The following PLK5 variants were observed in gnomAD, a reference collection of about 807,000 sequenced individuals.
PLK5 encodes inactive serine/threonine-protein kinase PLK5.
In PLK5, 28 loss-of-function variants were observed where a neutral mutation model predicts 33.7. The ratio of observed to expected loss-of-function variants is 0.83; its 90% CI spans 0.62 to 1.14. The LOEUF is 1.14. Among genes scored for constraint, PLK5 ranks in the 50% most tolerant of loss-of-function variants. The pLI is 0.00. For missense variants in PLK5, 492 were observed against 461.5 expected, an observed-to-expected ratio of 1.07 and a Z score of -0.61; for synonymous variants, 225 against 202.2, an observed-to-expected ratio of 1.11 and a Z score of -0.96.
intron 12 of PLK5, 123 bp downstream of exon 12, chr19:1,532,006 G>A: frequency 8.7e-7 from 1 of 1,145,968 alleles, no homozygotes; most frequent in African/African-American, 1.6e-5. Context: ...CCTGGTCGGG[G>A]AGAACAACAC....
chr19:1,528,220 G>A (rs1751410770), intron 7 of PLK5, 82 bp from the exon 8 acceptor site: 3 of 1,533,852 alleles, frequency 2.0e-6, no homozygotes, highest in South Asian at 1.2e-5. Context: ...AGCCGAGGGA[G>A]GCCCCGCCCT....
chr19:1,531,119 C>T (rs566063620), intron 11 of PLK5, among the ~76,000 whole-genome samples: 1 of 150,370 alleles, frequency 6.7e-6, no homozygotes, highest in African/African-American at 2.5e-5. Flanking sequence ...AAGCAAAAAC[C>T]CAGAAACGGG....
intron 13 of PLK5, 117 bp downstream of exon 13, chr19:1,534,158 A>AG: frequency 4.3e-6 from 2 of 465,576 alleles, no homozygotes; most frequent in Non-Finnish European, 3.5e-6. Context: ...CTCCCAGGAA[A>AG]AAAAAAAAAA....
intron 13 of PLK5, 105 bp from the exon 14 acceptor site, chr19:1,534,960 C>G: frequency 9.0e-7 from 1 of 1,112,342 alleles, no homozygotes; most frequent in Non-Finnish European, 1.2e-6. Context: ...AGGGGCCAGA[C>G]TGGGGGCTCT....
chr19:1,535,124 G>A lies in PLK5; in HGVS notation c.885G>A (p.Gln295=). ...LVLSGEGEGL[Q]LTLWEQGSPG... ...TGAGTGGCGAGGGTGAGGGTTTGCA[G>A]CTCACCCTCTGGGAGCAGGGGTCCC... Residue 295 remains glutamine (Q), a synonymous_variant, in exon 14 of 14, where the codon CAG becomes CAA. Coordinates refer to ENST00000454744, the MANE Select transcript of PLK5 (RefSeq NM_001243079.2). The A allele has an allele frequency of 6.5e-7, 1 of 1,535,726 alleles. No individual in the cohort carries two copies.
At position 1,533,955 on chromosome 19, in the gene PLK5, C is replaced by A. The variant is rs1215126192; in HGVS notation, c.739C>A (p.Pro247Thr). Residue 247 changes from proline (P) to threonine (T), a missense_variant, in exon 13 of 14, where the codon CCA (proline) becomes ACA (threonine). Transcript: ENST00000454744. ...GGAGGGGACCCTCCCCACACCTGTG[C>A]CACCTGCTGGACCCGGCCTCTGCCT... ...RREGTLPTPV[P>T]PAGPGLCLLR... 6.5e-7 allele frequency: 1 copy of A among 1,534,604 alleles called. No homozygotes were observed. The highest frequency in any genetic ancestry group is 2.4e-5 in the East Asian group (1 of 40,892).
Position 1,533,250 on chromosome 19 carries a change from G to A in PLK5, c.715-681G>A, listed in dbSNP as rs58893656. Among the ~76,000 whole-genome samples the A allele has an allele frequency of 4.4e-3, 664 of 151,760 alleles. 4 individuals carry two copies. Among genetic ancestry groups the A allele is most frequent in the African/African-American group, 0.015 (632 of 41,412 alleles). On this transcript the variant is annotated intron_variant, in intron 12 of 13. Transcript: ENST00000454744. ...TGGGATTACAGGCACCCGCCACCACGCCTGGCTAATTTTGAATTTTAGTAG... is the reference window on the plus strand; with the variant it reads ...TGGGATTACAGGCACCCGCCACCACACCTGGCTAATTTTGAATTTTAGTAG...
At chr19:1,532,804 G>A (rs1402821597) in intron 12 of PLK5, among the ~76,000 whole-genome samples, 1 of 151,994 alleles carries the variant, frequency 6.6e-6, no homozygotes, top group Non-Finnish European at 1.5e-5. Flanking sequence ...TTATAGGCAT[G>A]AGCCACCGCG....
chr19:1,530,485 G>A (rs939018048), intron 11 of PLK5, among the ~76,000 whole-genome samples: 18 of 151,756 alleles, frequency 1.2e-4, no homozygotes, highest in African/African-American at 3.6e-4. Flanking sequence ...TTTTAGTAGA[G>A]ACAGGGTTTC....
intron 8 of PLK5, 23 bp downstream of exon 8, chr19:1,528,451 C>T (rs754342425): frequency 3.3e-6 from 5 of 1,521,660 alleles, no homozygotes; most frequent in African/African-American, 2.8e-5. Context: ...CCCGCCCACA[C>T]CTGCCCAACA....
At chr19:1,533,419 A>G (rs1006425056) in intron 12 of PLK5, among the ~76,000 whole-genome samples, 1 of 152,076 alleles carries the variant, frequency 6.6e-6, no homozygotes, top group Non-Finnish European at 1.5e-5. Flanking sequence ...CGGGAGTGAC[A>G]TGGGGGCCAG....
At chr19:1,529,253 G>A (rs371991160) in intron 9 of PLK5, among the ~76,000 whole-genome samples, 153 bp from the exon 10 acceptor site, 5 of 152,144 alleles carry the variant, frequency 3.3e-5, no homozygotes, top group South Asian at 2.1e-4. Context: ...GTATGCCTCC[G>A]AGACACTCCG....
rs753708965 is a variant in PLK5 at position 1,529,315 on chromosome 19, C to T, written c.406-91C>T. 48 of 1,163,678 alleles carry T rather than the reference C, an allele frequency of 4.1e-5. No individual in the cohort carries two copies. The South Asian group carries it at 4.5e-4, about 11-fold the overall frequency. 72.1% of individuals were successfully genotyped at this position (1,163,678 alleles called of 1,614,324 possible). ...GCCTCTGTGTGCAGAGCACGGAGGGCACAGGCAGGGGCCAGAGCCTGCCAC... is the reference window on the plus strand; with the variant it reads ...GCCTCTGTGTGCAGAGCACGGAGGGTACAGGCAGGGGCCAGAGCCTGCCAC... On this transcript the variant is annotated intron_variant, in intron 9 of 13. Coordinates refer to ENST00000454744, the MANE Select transcript of PLK5 (RefSeq NM_001243079.2).
At position 1,534,047 on chromosome 19, in the gene PLK5, C is replaced by T. The variant is rs1205004660; in HGVS notation, c.825+6C>T. On this transcript the variant is annotated splice_donor_region_variant and intron_variant, in intron 13 of 13. Coordinates refer to ENST00000454744, the MANE Select transcript of PLK5 (RefSeq NM_001243079.2). Reference sequence around the variant, plus strand: ...TCAGCAATGGGATGGTGCAGGTGAGCCCGGGGCTCAAACTCGGGGCACTGG... The same window carrying T: ...TCAGCAATGGGATGGTGCAGGTGAGTCCGGGGCTCAAACTCGGGGCACTGG... The T allele has an allele frequency of 2.0e-6, 3 of 1,534,268 alleles. No homozygotes were observed. Among genetic ancestry groups the T allele is most frequent in the East Asian group, 2.4e-5 (1 of 40,866 alleles).
Position 1,525,317 on chromosome 19 carries a change from C to T in PLK5, c.-531C>T, listed in dbSNP as rs758210954. On this transcript the variant is annotated 5_prime_UTR_variant, in exon 2 of 14. Coordinates refer to ENST00000454744, the MANE Select transcript of PLK5 (RefSeq NM_001243079.2). ...CCCCTCCCCACAGGGCGCCTTCAGC[C>T]GCTGCTACAAGCTGACAGACATGTC... 3.4e-4 allele frequency: 52 copies of T among 152,772 alleles called. No individual in the cohort carries two copies. Among genetic ancestry groups the T allele is most frequent in the Non-Finnish European group, 6.6e-4 (45 of 68,110 alleles). The allele number at this position is 152,772 out of a possible 1,614,324, so 9.5% of individuals were successfully genotyped here.
At chr19:1,530,757 C>T (rs1049000878) in intron 11 of PLK5, among the ~76,000 whole-genome samples, 5 of 151,382 alleles carry the variant, frequency 3.3e-5, no homozygotes, top group Non-Finnish European at 5.9e-5. Flanking sequence ...GCAGCTGGGA[C>T]TACAGGCACC....
chr19:1,535,364 C>G lies in PLK5; in HGVS notation c.*114C>G, dbSNP rs56073142. 2.5e-6 allele frequency: 3 copies of G among 1,186,778 alleles called. No individual in the cohort carries two copies. In the East Asian group the frequency reaches 8.4e-5, roughly 33 times the overall value. The allele number at this position is 1,186,778 out of a possible 1,614,324, so 73.5% of individuals were successfully genotyped here. On this transcript the variant is annotated 3_prime_UTR_variant, in exon 14 of 14. Transcript: ENST00000454744. ...TCCTGGGGGAGGGCTGGGGGGCACA[C>G]GGGAGGTGGGTTCTTGCCTTGTGGC...
rs1413685199 is a variant in PLK5, at chr19:1,529,484, C to T, written c.484C>T (p.Leu162=). ...CGCACAAGGGACCCTGCAGAGTGAC[C>T]TGGCCGGTGAGCAGATCCCCGTCCC... ...LVAQGTLQSD[L]AGPEGSRRPE... Residue 162 remains leucine (L), a synonymous_variant, in exon 10 of 14, where the codon CTG becomes TTG. Transcript: ENST00000454744. 26 of 1,535,764 alleles carry T rather than the reference C, an allele frequency of 1.7e-5. No individual in the cohort carries two copies. The highest frequency in any genetic ancestry group is 2.3e-5 in the Non-Finnish European group (26 of 1,146,634).
chr19:1,529,287 A>C (rs112586082), intron 9 of PLK5, 119 bp from the exon 10 acceptor site: 3 of 867,134 alleles, frequency 3.5e-6, no homozygotes, highest in African/African-American at 1.7e-5. Context: ...AGGGGAAAGC[A>C]GTGCCTCTGT....
Sources: allele counts gnomAD v4.1 joint callset (sites outside exome capture counted in the v4.1 genomes callset), GRCh38; gene constraint gnomAD v4.1.1; transcripts MANE v1.5; gene names NCBI Gene and HGNC (gene_info 2026-07-23, HGNC 2026-07-21).